EP300: variants seen among roughly 807,000 people sequenced by gnomAD.
EP300 encodes the protein histone acetyltransferase p300.
A neutral mutation model predicts 264.0 loss-of-function variants in EP300; 31 were observed. The ratio of observed to expected loss-of-function variants is 0.12; its 90% confidence interval spans 0.09 to 0.16. The LOEUF is 0.16. Among genes scored for constraint, EP300 ranks in the 10% least tolerant of loss-of-function variants. The pLI is 1.00. For synonymous variants in EP300, 1,340 were observed against 1,045.4 expected (o/e 1.28, Z -5.44); for missense variants, 2,766 against 3,052.9 (o/e 0.91, Z 2.21).
chr22:41,160,429 AAC>A, intron 19 of EP300: 3 of 520,478 alleles, frequency 5.8e-6, no homozygotes, highest in Middle Eastern at 5.3e-4. Context: ...CAAAAAAAAA[AAC>A]AAAAAAAAAC....
chr22:41,141,769 C>G (rs547674787), intron 10 of EP300, among the ~76,000 whole-genome samples: 2 of 152,050 alleles, frequency 1.3e-5, no homozygotes, highest in East Asian at 3.9e-4. Context: ...CTCCGCCTCC[C>G]AGGTTCAAGC....
rs75368373 is a variant in EP300 at position 41,143,881 on chromosome 22, G to A, written c.2053+2659G>A. 9.6e-3 allele frequency among the ~76,000 whole-genome samples: 1,457 copies of A among 152,182 alleles called. 28 individuals are homozygous for A. Among genetic ancestry groups the A allele is most frequent in the African/African-American group, 0.033 (1,383 of 41,526 alleles). ...GGCTTGAGCCATCACACCTGGCCACGTTTGATTTTTTTGTTTTAATACAAA... is the reference window on the plus strand; with the variant it reads ...GGCTTGAGCCATCACACCTGGCCACATTTGATTTTTTTGTTTTAATACAAA... On this transcript the variant is annotated intron_variant, in intron 10 of 30. Coordinates refer to ENST00000263253, the MANE Select transcript of EP300 (RefSeq NM_001429.4).
At chr22:41,118,679 G>T (rs1458540090) in intron 2 of EP300, among the ~76,000 whole-genome samples, 1 of 152,178 alleles carries the variant, frequency 6.6e-6, no homozygotes, top group Non-Finnish European at 1.5e-5. Flanking sequence ...GAGAATCTTG[G>T]GTGCAGTGGC....
intron 22 of EP300, among the ~76,000 whole-genome samples, chr22:41,165,369 A>G (rs1157328955): frequency 6.6e-6 from 1 of 152,170 alleles, no homozygotes; most frequent in Admixed American, 6.5e-5. Flanking sequence ...CTCTCTTCCC[A>G]CCCAGATTCC....
In EP300 at chr22:41,092,888, C is replaced by T. The variant is rs1601582242; in HGVS notation, c.-117C>T. On this transcript the variant is annotated 5_prime_UTR_variant, in exon 1 of 31. Transcript: ENST00000263253. ...GAAAAAGGAACTTCCCCCACCCCCT[C>T]GGGTGCCGTCGGAGCCCCCCAGCCC... The T allele has an allele frequency of 3.7e-6, 4 of 1,085,060 alleles. No homozygotes were observed. The East Asian group carries it at 9.4e-5, about 26-fold the overall frequency. 67.2% of individuals were successfully genotyped at this position (1,085,060 alleles called of 1,614,324 possible). A position where few individuals can be genotyped will look rare whatever the true frequency, so the allele number is the denominator to read the frequency against.
At chr22:41,121,359 CA>C (rs1280128173) in intron 2 of EP300, among the ~76,000 whole-genome samples, 1 of 152,078 alleles carries the variant, frequency 6.6e-6, no homozygotes, top group Non-Finnish European at 1.5e-5. Context: ...AAATTAAGTA[CA>C]AAATCTTCCT....
chr22:41,122,527 C>G (rs1234647437), intron 2 of EP300, among the ~76,000 whole-genome samples: 1 of 152,116 alleles, frequency 6.6e-6, no homozygotes, highest in Non-Finnish European at 1.5e-5. Flanking sequence ...ATGCTTCCAT[C>G]AAACTGCCAC....
chr22:41,100,709 G>A (rs1208941596), intron 1 of EP300, among the ~76,000 whole-genome samples: 1 of 152,132 alleles, frequency 6.6e-6, no homozygotes, highest in East Asian at 1.9e-4. Context: ...GTATATGGGT[G>A]GGTGTGTGTA....
At chr22:41,100,960 G>A (rs1347012690) in intron 1 of EP300, among the ~76,000 whole-genome samples, 5 of 152,020 alleles carry the variant, frequency 3.3e-5, no homozygotes, top group South Asian at 2.1e-4. Flanking sequence ...TCTTGTATAC[G>A]TAAGTAATAG....
At position 41,169,599 on chromosome 22, in the gene EP300, A is replaced by C. The variant is rs2059158722; in HGVS notation, c.4269A>C (p.Glu1423Asp). 6.3e-7 allele frequency: 1 copy of C among 1,596,820 alleles called. No individual in the cohort carries two copies. The highest frequency in any genetic ancestry group is 8.6e-7 in the Non-Finnish European group (1 of 1,166,520). ...VYHEILIGYL[E>D]YVKKLGYTTG... ...ATGAAATCCTAATTGGATATTTAGA[A>C]TATGTCAAGAAATTAGGGTAAGCAT... is the stretch of plus-strand genomic sequence containing the variant. Residue 1423 changes from glutamate to aspartate, a missense_variant, in exon 26 of 31, where the codon GAA becomes GAC. Transcript: ENST00000263253.
At chr22:41,141,509 A>G (rs2058982080) in intron 10 of EP300, among the ~76,000 whole-genome samples, 3 of 152,194 alleles carry the variant, frequency 2.0e-5, no homozygotes, top group Admixed American at 2.0e-4. Flanking sequence ...TAGCCTACAT[A>G]CAGATGTTCA....
rs2145749416 is a variant in EP300 at position 41,158,409 on chromosome 22, C to T, written c.3502-3C>T. ...GCTTTTTAACAAATGGTTTCTTTTGCAGTTGGAGTTCTCTCCACAGACACT... is the reference window on the plus strand; with the variant it reads ...GCTTTTTAACAAATGGTTTCTTTTGTAGTTGGAGTTCTCTCCACAGACACT... On this transcript the variant is annotated splice_polypyrimidine_tract_variant and splice_region_variant and intron_variant, in intron 18 of 30. Transcript: ENST00000263253. The T allele has an allele frequency of 6.2e-7, 1 of 1,613,638 alleles. No individual in the cohort carries two copies. The highest frequency in any genetic ancestry group is 8.5e-7 in the Non-Finnish European group (1 of 1,179,630).
At chr22:41,095,216 G>A (rs1246684132) in intron 1 of EP300, among the ~76,000 whole-genome samples, 4 of 146,758 alleles carry the variant, frequency 2.7e-5, no homozygotes, top group African/African-American at 1.0e-4. Flanking sequence ...CTTACTTCAA[G>A]TTGGGTACCA....
chr22:41,169,108 G>A, intron 25 of EP300: 1 of 604,592 alleles, frequency 1.7e-6, no homozygotes, highest in South Asian at 1.9e-5. Context: ...CCTGAAATTG[G>A]AATTTGAAAA....
chr22:41,151,844 A>G lies in EP300; in HGVS notation c.2829A>G (p.Pro943=). 1 of 1,614,080 alleles carries G rather than the reference A, an allele frequency of 6.2e-7. No homozygotes were observed. Among genetic ancestry groups the G allele is most frequent in the Admixed American group, 1.7e-5 (1 of 59,998 alleles). Residue 943 remains proline, a synonymous_variant, in exon 15 of 31, where the codon CCA becomes CCG. Transcript: ENST00000263253. ...PPQPATPLSQ[P]AVSIEGQVSN... ...TTTTTTCTGCCCAGCTTTCCCAGCC[A>G]GCTGTAAGCATTGAAGGACAGGTAT... is the stretch of plus-strand genomic sequence containing the variant.
intron 1 of EP300, among the ~76,000 whole-genome samples, chr22:41,109,408 T>C (rs1466515534): frequency 3.3e-5 from 5 of 152,184 alleles, no homozygotes; most frequent in African/African-American, 1.2e-4. Flanking sequence ...ACTCTGTACA[T>C]GTGATGTGAC....
Position 41,097,487 on chromosome 22 carries a change from A to G in EP300, c.94+4389A>G, listed in dbSNP as rs898839493. On this transcript the variant is annotated intron_variant, in intron 1 of 30. Transcript: ENST00000263253. ...AATGGAAACAGTTGAAAATTAATGC[A>G]AAGTGGTATTTGTAGGGACATTAAG... is the stretch of plus-strand genomic sequence containing the variant. Among the ~76,000 whole-genome samples, 14 of 152,342 alleles carry G rather than the reference A, an allele frequency of 9.2e-5. No homozygotes were observed. In the South Asian group the frequency reaches 2.5e-3, roughly 27 times the overall value.
In EP300 at chr22:41,168,385, T is replaced by G. The variant is rs1601632829; in HGVS notation, c.3875-64T>G. On this transcript the variant is annotated intron_variant, in intron 23 of 30. Transcript: ENST00000263253. ...AAAAAAGTACAAATGAGATTTGAGG[T>G]TGAACCTTAAGACTAACAACAGTAA... 16 of 1,583,090 alleles carry G rather than the reference T, an allele frequency of 1.0e-5. No homozygotes were observed. In the South Asian group the frequency reaches 1.6e-4, roughly 15 times the overall value.
chr22:41,179,237 C>A lies in EP300; in HGVS notation c.*281C>A, dbSNP rs778583274. 2.3e-6 allele frequency: 1 copy of A among 435,164 alleles called. No individual in the cohort carries two copies. The allele number at this position is 435,164 out of a possible 1,614,324, so 27.0% of individuals were successfully genotyped here. On this transcript the variant is annotated 3_prime_UTR_variant, in exon 31 of 31. Transcript: ENST00000263253. The stretch of plus-strand genomic sequence containing the variant: ...GTGTGCACTGGGAGGAGGCTGAGGC[C>A]TGTGAAGCCAAACAATATGCTCCTG...
Sources: allele counts gnomAD v4.1 joint callset (sites outside exome capture counted in the v4.1 genomes callset), GRCh38; gene constraint gnomAD v4.1.1; transcripts MANE v1.5; gene names NCBI Gene and HGNC (gene_info 2026-07-23, HGNC 2026-07-21).